The following DNAJC8 variants were observed in gnomAD, a reference collection of about 807,000 sequenced individuals.
The protein encoded by DNAJC8 is DnaJ heat shock protein family (Hsp40) member C8, also known as dnaJ homolog subfamily C member 8.
In DNAJC8, 24 loss-of-function variants were observed where a neutral mutation model predicts 43.2. That is an observed-to-expected ratio of 0.56 (90% CI 0.40 to 0.78). The LOEUF (loss-of-function observed/expected upper bound fraction) is 0.78. DNAJC8 is among the 30% of genes least tolerant of loss of function. The probability of loss-of-function intolerance (pLI) is 0.00; values close to 1 mark genes in which losing one functional copy is unlikely to be tolerated. For synonymous variants in DNAJC8, 83 were observed against 98.0 expected (o/e 0.85, Z 0.90); for missense variants, 207 against 299.4 (o/e 0.69, Z 2.28).
At chr1:28,223,470 TGCTGGTATCA>T (rs2149022700) in intron 2 of DNAJC8, among the ~76,000 whole-genome samples, 1 of 152,228 alleles carries the variant, frequency 6.6e-6, no homozygotes, top group African/African-American at 2.4e-5. Flanking sequence ...CATATCCTGG[TGCTGGTATCA>T]GAGTACAGCG....
At chr1:28,229,107 C>A in intron 1 of DNAJC8, 84 bp from the exon 2 acceptor site, 1 of 1,124,758 alleles carries the variant, frequency 8.9e-7, no homozygotes, top group Admixed American at 2.1e-5. Context: ...CTGATATGTT[C>A]AACAAACATT....
rs1425427053 is a variant in DNAJC8, at chr1:28,228,904, C to T, written c.180+18G>A. ...ATCTCCCCCATTACAGAGGCCCTAG[C>T]AACATCAATCGGCTCACCTCAAATG... On this transcript the variant is annotated intron_variant, in intron 2 of 8. Coordinates refer to ENST00000263697, the MANE Select transcript of DNAJC8 (RefSeq NM_014280.3). 8.7e-6 allele frequency: 14 copies of T among 1,606,538 alleles called. No homozygotes were observed. Among genetic ancestry groups the T allele is most frequent in the African/African-American group, 2.7e-5 (2 of 74,708 alleles).
intron 6 of DNAJC8, 66 bp from the exon 7 acceptor site, chr1:28,205,415 A>G: frequency 8.1e-7 from 1 of 1,233,374 alleles, no homozygotes; most frequent in South Asian, 1.3e-5. Flanking sequence ...TGAACCATGT[A>G]CTTTCACCTG....
chr1:28,217,430 G>C (rs937700759), intron 2 of DNAJC8, among the ~76,000 whole-genome samples: 2 of 152,028 alleles, frequency 1.3e-5, no homozygotes, highest in Admixed American at 1.3e-4. Flanking sequence ...AGACAGGCCT[G>C]GCCAACATGG....
At chr1:28,206,755 A>G (rs1646771072) in intron 6 of DNAJC8, among the ~76,000 whole-genome samples, 1 of 152,250 alleles carries the variant, frequency 6.6e-6, no homozygotes, top group Non-Finnish European at 1.5e-5. Flanking sequence ...TGCATATTTA[A>G]TAGTGCCTAA....
intron 6 of DNAJC8, among the ~76,000 whole-genome samples, chr1:28,207,037 C>A (rs1168283627): frequency 1.3e-5 from 2 of 151,436 alleles, no homozygotes; most frequent in African/African-American, 4.9e-5. Context: ...TCCAAATTTT[C>A]TATCATTAGC....
At chr1:28,213,994 T>C (rs1646833763) in intron 3 of DNAJC8, among the ~76,000 whole-genome samples, 1 of 152,024 alleles carries the variant, frequency 6.6e-6, no homozygotes, top group South Asian at 2.1e-4. Context: ...CCAGCCTAGG[T>C]GACAGAGTGA....
chr1:28,227,074 C>CAA (rs148492955), intron 2 of DNAJC8, among the ~76,000 whole-genome samples: 2,444 of 94,650 alleles, frequency 0.026, 108 homozygotes, highest in African/African-American at 0.08. Context: ...TCAAGCATTG[C>CAA]AAAAAAAAAA....
chr1:28,215,253 C>T (rs1646842946), intron 2 of DNAJC8, among the ~76,000 whole-genome samples: 1 of 152,128 alleles, frequency 6.6e-6, no homozygotes, highest in Non-Finnish European at 1.5e-5. Flanking sequence ...ATTTATTTTA[C>T]ACCCAGAGAC....
rs1411920035 is a variant in DNAJC8 at position 28,200,796 on chromosome 1, A to G, written c.*452T>C. 5.1e-6 allele frequency: 2 copies of G among 391,606 alleles called. No homozygotes were observed. Among genetic ancestry groups the G allele is most frequent in the Admixed American group, 3.1e-5 (1 of 31,782 alleles). 24.3% of individuals were successfully genotyped at this position (391,606 alleles called of 1,614,324 possible). The stretch of plus-strand genomic sequence containing the variant: ...CTGTCTTATCTGGGCCTTCGAAGGG[A>G]GCACACCCAGAAGCGAGCAACTGAA... On this transcript the variant is annotated 3_prime_UTR_variant, in exon 9 of 9. Coordinates refer to ENST00000263697, the MANE Select transcript of DNAJC8 (RefSeq NM_014280.3).
rs763660859 is a variant in DNAJC8 at position 28,210,643 on chromosome 1, A to G, written c.238-6T>C. On this transcript the variant is annotated splice_polypyrimidine_tract_variant and splice_region_variant and intron_variant, in intron 3 of 8. Coordinates refer to ENST00000263697, the MANE Select transcript of DNAJC8 (RefSeq NM_014280.3). ...GGATGCACCAAGATGGATAACTACAATAAGAGAAAAGTTGGGGTTGTCAAT... is the reference window on the plus strand; with the variant it reads ...GGATGCACCAAGATGGATAACTACAGTAAGAGAAAAGTTGGGGTTGTCAAT... The G allele has an allele frequency of 1.9e-6, 3 of 1,613,356 alleles. No homozygotes were observed. Among genetic ancestry groups the G allele is most frequent in the Non-Finnish European group, 1.7e-6 (2 of 1,179,408 alleles).
At position 28,226,555 on chromosome 1, in the gene DNAJC8, T is replaced by C. The variant is rs945492837; in HGVS notation, c.180+2367A>G. On this transcript the variant is annotated intron_variant, in intron 2 of 8. Coordinates refer to ENST00000263697, the MANE Select transcript of DNAJC8 (RefSeq NM_014280.3). ...GCTAAACTATTCCACAATAAAGAAATGATTAAATAAATTATATGGAATTTT... is the reference window on the plus strand; with the variant it reads ...GCTAAACTATTCCACAATAAAGAAACGATTAAATAAATTATATGGAATTTT... Among the ~76,000 whole-genome samples, 2 of 151,016 alleles carry C rather than the reference T, an allele frequency of 1.3e-5. 1 individual carries two copies. The highest frequency in any genetic ancestry group is 4.9e-5 in the African/African-American group (2 of 41,074).
chr1:28,219,566 C>T (rs1317938949), intron 2 of DNAJC8, among the ~76,000 whole-genome samples: 2 of 152,088 alleles, frequency 1.3e-5, no homozygotes, highest in African/African-American at 4.8e-5. Flanking sequence ...GACAGCTGGG[C>T]CCATTTGCAT....
chr1:28,221,529 G>A (rs967129611), intron 2 of DNAJC8, among the ~76,000 whole-genome samples: 3 of 152,032 alleles, frequency 2.0e-5, no homozygotes, highest in South Asian at 4.1e-4. Flanking sequence ...ATAACTAATA[G>A]GGCACTAAAA....
intron 3 of DNAJC8, among the ~76,000 whole-genome samples, chr1:28,213,352 A>G (rs879279627): frequency 8.5e-5 from 13 of 152,302 alleles, no homozygotes; most frequent in Admixed American, 6.5e-4. Context: ...TTGAAATTTT[A>G]GAAAAAGGAA....
intron 3 of DNAJC8, among the ~76,000 whole-genome samples, chr1:28,213,929 T>C (rs186575910): frequency 6.7e-4 from 102 of 152,030 alleles, no homozygotes; most frequent in African/African-American, 2.4e-3. Context: ...GGAGGGAGGA[T>C]TGCTTAAACT....
At chr1:28,225,695 T>A (rs1646929381) in intron 2 of DNAJC8, among the ~76,000 whole-genome samples, 1 of 147,408 alleles carries the variant, frequency 6.8e-6, no homozygotes, top group Non-Finnish European at 1.5e-5. Context: ...AAAAAAAAAT[T>A]TAAATGGTAA....
intron 3 of DNAJC8, among the ~76,000 whole-genome samples, chr1:28,212,638 C>G (rs957543485): frequency 2.0e-5 from 3 of 151,860 alleles, no homozygotes; most frequent in Admixed American, 2.0e-4. Context: ...AAAGAACTTT[C>G]ATAGGTAATT....
chr1:28,222,075 G>A (rs1292945315), intron 2 of DNAJC8, among the ~76,000 whole-genome samples: 1 of 152,154 alleles, frequency 6.6e-6, no homozygotes, highest in African/African-American at 2.4e-5. Context: ...CCAGGGGCTG[G>A]GGAGGGAGGA....
Sources: gnomAD v4.1 joint callset for allele counts (sites outside exome capture counted in the v4.1 genomes callset) on GRCh38, gnomAD v4.1.1 for gene constraint, MANE v1.5 for transcripts, NCBI Gene and HGNC (gene_info 2026-07-23, HGNC 2026-07-21) for gene names.